SLC25A22: variants seen among roughly 807,000 people sequenced by gnomAD.
SLC25A22 encodes the protein solute carrier family 25 member 22.
A neutral mutation model predicts 33.7 loss-of-function variants in SLC25A22; 23 were observed. The ratio of observed to expected loss-of-function variants is 0.68; its 90% CI spans 0.49 to 0.97. SLC25A22 has a LOEUF of 0.97. Among genes scored for constraint, SLC25A22 ranks in the 50% least tolerant of loss-of-function variants. The pLI, the probability that SLC25A22 is intolerant of heterozygous loss-of-function variation, is 0.00. For synonymous variants in SLC25A22, 245 were observed against 203.8 expected (o/e 1.20, Z -1.72); for missense variants, 390 against 451.1 (o/e 0.86, Z 1.23).
intron 4 of SLC25A22, chr11:794,232 A>G (rs1290298167): frequency 7.1e-6 from 5 of 705,366 alleles, no homozygotes; most frequent in Non-Finnish European, 7.7e-6. Context: ...CATCCCACGC[A>G]CCAGGCACTA....
chr11:792,675 AC>A lies in SLC25A22; in HGVS notation c.464del (p.Gly155ValfsTer19). ...AAQGQLSAQGGAQPSVEAPAA... is the reference protein window; with the variant it reads ...AAQGQLSAQGXAQPSVEAPAA... ...CTGGAGCCTCCACTGAGGGCTGGGC[AC>A]CCCCCTGGGCCGAGAGCTGGCCCTG... On this transcript the variant is annotated frameshift_variant, in exon 7 of 10. Transcript: ENST00000628067. LOFTEE classifies it high-confidence loss of function. 1 of 1,561,092 alleles carries A rather than the reference AC, an allele frequency of 6.4e-7. No homozygotes were observed.
Position 795,150 on chromosome 11 carries a change from C to T in SLC25A22, c.-144G>A. The T allele has an allele frequency of 1.0e-6, 1 of 961,462 alleles. No homozygotes were observed. The highest frequency in any genetic ancestry group is 1.6e-6 in the Non-Finnish European group (1 of 624,784). The allele number at this position is 961,462 out of a possible 1,614,324, so 59.6% of individuals were successfully genotyped here. On this transcript the variant is annotated 5_prime_UTR_variant, in exon 2 of 10. Coordinates refer to ENST00000628067, the MANE Select transcript of SLC25A22 (RefSeq NM_001191061.2). Reference sequence around the variant, plus strand: ...CACCTTCAGGGGAATTTCCAGGCGTCAGCAACCGCCACTTCTGTCCTAGAA... The same window carrying T: ...CACCTTCAGGGGAATTTCCAGGCGTTAGCAACCGCCACTTCTGTCCTAGAA...
intron 1 of SLC25A22, 46 bp downstream of exon 1, chr11:798,171 C>T: frequency 2.5e-6 from 1 of 397,858 alleles, no homozygotes; most frequent in Non-Finnish European, 4.4e-6. Context: ...AGCCCGGCCG[C>T]GTTCGGATGG....
At chr11:793,862 C>T (rs1024730569) in intron 4 of SLC25A22, 3 of 578,540 alleles carry the variant, frequency 5.2e-6, no homozygotes, top group Admixed American at 3.0e-5. Context: ...TGATTCTGGG[C>T]AGCATCTTGC....
Position 792,185 on chromosome 11 carries a change from C to T in SLC25A22, c.775G>A (p.Gly259Ser), listed in dbSNP as rs1554965357. 4 of 1,612,922 alleles carry T rather than the reference C, an allele frequency of 2.5e-6. 1 individual carries two copies. The Middle Eastern group carries it at 6.6e-4, about 266-fold the overall frequency. Reference protein sequence around the residue: ...VKTRLQSLQRGVNEDTYSGIL... With the variant: ...VKTRLQSLQRSVNEDTYSGIL... ...CCAGAGTAGGTGTCCTCGTTGACGC[C>T]TCGCTGAAGTGACTGGAGCCGCGTC... Residue 259 changes from glycine (G) to serine (S), a missense_variant, in exon 9 of 10, where the codon GGC becomes AGC. Coordinates refer to ENST00000628067, the MANE Select transcript of SLC25A22 (RefSeq NM_001191061.2).
At chr11:795,928 C>T (rs1864803216) in intron 1 of SLC25A22, 1 of 152,492 alleles carries the variant, frequency 6.6e-6, no homozygotes, top group Non-Finnish European at 1.5e-5. Context: ...AGCAGCAAGG[C>T]TGGGGAGCCA....
At chr11:794,559 C>T (rs541311717) in intron 3 of SLC25A22, 46 bp from the exon 4 acceptor site, 23 of 1,602,782 alleles carry the variant, frequency 1.4e-5, no homozygotes, top group African/African-American at 5.3e-5. Flanking sequence ...TGGGGCCAGC[C>T]GGAGGCCAGG....
At chr11:796,376 G>A (rs933927942) in intron 1 of SLC25A22, 4 of 152,140 alleles carry the variant, frequency 2.6e-5, no homozygotes, top group African/African-American at 9.7e-5. Flanking sequence ...GCCTTGAGAG[G>A]AGAGATGAGC....
intron 1 of SLC25A22, among the ~76,000 whole-genome samples, chr11:796,643 G>A (rs1864841478): frequency 1.3e-5 from 2 of 152,228 alleles, no homozygotes; most frequent in Non-Finnish European, 1.5e-5. Flanking sequence ...ACACCCACTC[G>A]TGTCTGTGGG....
rs540297776 is a variant in SLC25A22 at position 792,633 on chromosome 11, C to T, written c.507G>A (p.Thr169=). Reference sequence around the variant, plus strand: ...GCAGGTCGCGGGTCAGCTGGGTGGCCGTGGGCCGAGGGGCAGCTGGAGCCT... The same window carrying T: ...GCAGGTCGCGGGTCAGCTGGGTGGCTGTGGGCCGAGGGGCAGCTGGAGCCT... ...SVEAPAAPRP[T]ATQLTRDLLR... Residue 169 remains threonine, a synonymous_variant, in exon 7 of 10, where the codon ACG becomes ACA. Transcript: ENST00000628067. 3.1e-6 allele frequency: 5 copies of T among 1,594,394 alleles called. No individual in the cohort carries two copies. The highest frequency in any genetic ancestry group is 3.5e-5 in the Admixed American group (2 of 57,382).
rs544386351 is a variant in SLC25A22, at chr11:792,725, C to A, written c.415G>T (p.Ala139Ser). The part of the protein sequence containing the change: ...IQLQDAGRIA[A>S]QRKILAAQGQ... ...TGGGCAGCCAGGATCTTCCTCTGGG[C>A]GGCTGGGGACAAAGAGGCTGCTGTC... Residue 139 changes from alanine to serine, a missense_variant and splice_region_variant, in exon 7 of 10, where the codon GCC (alanine) becomes TCC (serine). Transcript: ENST00000628067. 2 of 1,545,954 alleles carry A rather than the reference C, an allele frequency of 1.3e-6. No individual in the cohort carries two copies. The highest frequency in any genetic ancestry group is 2.7e-5 in the African/African-American group (2 of 73,398).
Position 794,888 on chromosome 11 carries a change from G to T in SLC25A22, c.34C>A (p.Leu12Ile), listed in dbSNP as rs1400098438. 6.4e-7 allele frequency: 1 copy of T among 1,565,958 alleles called. No homozygotes were observed. The stretch of plus-strand genomic sequence containing the variant: ...AGCCCGGCGATGCCGCCATTGATGA[G>T]CTTGGCTGGCAGGCTGTGTGGACAG... Reference protein sequence around the residue: ...ADKQISLPAKLINGGIAGLIG... With the variant: ...ADKQISLPAKIINGGIAGLIG... Residue 12 changes from leucine (L) to isoleucine (I), a missense_variant, in exon 3 of 10, where the codon CTC becomes ATC. Coordinates refer to ENST00000628067, the MANE Select transcript of SLC25A22 (RefSeq NM_001191061.2).
intron 1 of SLC25A22, chr11:797,781 G>C: frequency 2.5e-6 from 1 of 398,700 alleles, no homozygotes; most frequent in African/African-American, 2.1e-5. Flanking sequence ...AGGAGAAGCG[G>C]GTTGGGGGCC....
Position 795,176 on chromosome 11 carries a change from G to T in SLC25A22, c.-163-7C>A. 1 of 814,388 alleles carries T rather than the reference G, an allele frequency of 1.2e-6. No homozygotes were observed. Among genetic ancestry groups the T allele is most frequent in the Non-Finnish European group, 2.0e-6 (1 of 491,666 alleles). The allele number at this position is 814,388 out of a possible 1,614,324, so 50.4% of individuals were successfully genotyped here. A position where few individuals can be genotyped will look rare whatever the true frequency, so the allele number is the denominator to read the frequency against. ...AGCAACCGCCACTTCTGTCCTAGAAGGATGAGGGAATGGGAATGAGTGAGG... is the reference window on the plus strand; with the variant it reads ...AGCAACCGCCACTTCTGTCCTAGAATGATGAGGGAATGGGAATGAGTGAGG... On this transcript the variant is annotated splice_polypyrimidine_tract_variant and splice_region_variant and intron_variant, in intron 1 of 9. Transcript: ENST00000628067.
intron 1 of SLC25A22, 156 bp downstream of exon 1, chr11:798,061 G>C (rs1197080155): frequency 2.5e-6 from 1 of 398,344 alleles, no homozygotes; most frequent in Non-Finnish European, 4.4e-6. Flanking sequence ...GCCGCGGATC[G>C]GAGCATCCGC....
chr11:795,971 G>A (rs1416749139), intron 1 of SLC25A22: 4 of 152,356 alleles, frequency 2.6e-5, no homozygotes, highest in Non-Finnish European at 4.4e-5. Flanking sequence ...ATAGGGTCAT[G>A]GCCATAAAAT....
At chr11:797,607 C>T (rs1864902498) in intron 1 of SLC25A22, 3 of 398,536 alleles carry the variant, frequency 7.5e-6, no homozygotes, top group African/African-American at 6.2e-5. Flanking sequence ...CCAGGCTCCT[C>T]CTACCCCCAA....
In SLC25A22 at chr11:795,002, G is replaced by A. The variant is rs1367097892; in HGVS notation, c.5C>T (p.Ala2Val). 2 of 1,556,538 alleles carry A rather than the reference G, an allele frequency of 1.3e-6. No homozygotes were observed. The highest frequency in any genetic ancestry group is 8.7e-7 in the Non-Finnish European group (1 of 1,150,198). The change falls in exon 2 of 10, where the codon GCT becomes GTT. Residue 2 changes from alanine to valine, a missense_variant. Physicochemically the swap from Ala to Val is moderately conservative, Grantham distance 64. Coordinates refer to ENST00000628067, the MANE Select transcript of SLC25A22 (RefSeq NM_001191061.2). M[A>V]DKQISLPAKL... ...GGAGTCTGACCTGATCTGCTTATCA[G>A]CCATTTAACTCGATTGCACCCAGGT...
chr11:795,099 G>T lies in SLC25A22; in HGVS notation c.-93C>A. The T allele has an allele frequency of 7.0e-7, 1 of 1,432,782 alleles. No individual in the cohort carries two copies. Among genetic ancestry groups the T allele is most frequent in the Non-Finnish European group, 9.5e-7 (1 of 1,048,660 alleles). 88.8% of individuals were successfully genotyped at this position (1,432,782 alleles called of 1,614,324 possible). A position where few individuals can be genotyped will look rare whatever the true frequency, so the allele number is the denominator to read the frequency against. ...GTGGAGGAGGCCTTGAGGGAGGGTGGGACCCAGGGGGGTTGGGTGGTGCTC... is the reference window on the plus strand; with the variant it reads ...GTGGAGGAGGCCTTGAGGGAGGGTGTGACCCAGGGGGGTTGGGTGGTGCTC... On this transcript the variant is annotated 5_prime_UTR_variant, in exon 2 of 10. Coordinates refer to ENST00000628067, the MANE Select transcript of SLC25A22 (RefSeq NM_001191061.2).
Sources: allele counts gnomAD v4.1 joint callset (sites outside exome capture counted in the v4.1 genomes callset), GRCh38; gene constraint gnomAD v4.1.1; transcripts MANE v1.5; gene names NCBI Gene and HGNC (gene_info 2026-07-23, HGNC 2026-07-21).